SUGCT: variants seen among roughly 807,000 people sequenced by gnomAD.
SUGCT encodes succinyl-CoA:glutarate-CoA transferase, also known as succinyl-CoA:glutarate CoA-transferase.
Under a neutral mutation model 55.0 loss-of-function variants are expected in SUGCT, and 41 were observed. The ratio of observed to expected loss-of-function variants is 0.74; its 90% CI spans 0.58 to 0.97. The LOEUF is 0.97. Among genes scored for constraint, SUGCT ranks in the 50% least tolerant of loss-of-function variants. The pLI, the probability that SUGCT is intolerant of heterozygous loss-of-function variation, is 0.00. For missense variants in SUGCT, 568 were observed against 547.8 expected (o/e 1.04, Z -0.37); for synonymous variants, 187 against 200.4 (o/e 0.93, Z 0.56).
chr7:40,918,839 G>A, the SUGCT span, among the ~76,000 whole-genome samples: 2 of 152,154 alleles, frequency 1.3e-5, no homozygotes, highest in Non-Finnish European at 2.9e-5. Flanking sequence ...AATTCCACAA[G>A]ACAGGGTAAT....
At chr7:40,562,758 G>T (rs1795910489) in intron 12 of SUGCT, among the ~76,000 whole-genome samples, 1 of 152,190 alleles carries the variant, frequency 6.6e-6, no homozygotes, top group South Asian at 2.1e-4. Flanking sequence ...GCTAAGGAAA[G>T]AAGGGTCAGA....
chr7:40,971,844 A>C, the SUGCT span, among the ~76,000 whole-genome samples: 1 of 152,132 alleles, frequency 6.6e-6, no homozygotes, highest in African/African-American at 2.4e-5. Flanking sequence ...GCAGTTCTTT[A>C]CAGTTTGTTT....
At chr7:40,898,336 G>A in the SUGCT span, among the ~76,000 whole-genome samples, 13 of 152,238 alleles carry the variant, frequency 8.5e-5, no homozygotes, top group East Asian at 2.3e-3. Flanking sequence ...AAGACTCACC[G>A]CGAAGGTCTG....
At chr7:40,726,586 A>T (rs1786624063) in intron 12 of SUGCT, among the ~76,000 whole-genome samples, 1 of 152,208 alleles carries the variant, frequency 6.6e-6, no homozygotes, top group Admixed American at 6.5e-5. Flanking sequence ...TAAGACACTT[A>T]ACAGTTTCTT....
chr7:40,624,908 A>G (rs1799452303), intron 12 of SUGCT, among the ~76,000 whole-genome samples: 1 of 152,166 alleles, frequency 6.6e-6, no homozygotes, highest in African/African-American at 2.4e-5. Flanking sequence ...TTCTCTGTAA[A>G]AAACAAACAC....
intron 5 of SUGCT, 62 bp from the exon 6 acceptor site, chr7:40,194,878 A>C: frequency 6.5e-7 from 1 of 1,541,256 alleles, no homozygotes; most frequent in Non-Finnish European, 8.8e-7. Flanking sequence ...TGTAAAGTTA[A>C]AATTCTATCA....
At chr7:41,034,313 G>T in the SUGCT span, among the ~76,000 whole-genome samples, 1 of 152,164 alleles carries the variant, frequency 6.6e-6, no homozygotes, top group African/African-American at 2.4e-5. Context: ...TATCTGTGTG[G>T]TCGAGAGAAT....
intron 12 of SUGCT, among the ~76,000 whole-genome samples, chr7:40,588,221 A>G (rs923327362): frequency 6.6e-6 from 1 of 151,384 alleles, no homozygotes; most frequent in Admixed American, 6.6e-5. Flanking sequence ...TATTTCTAAG[A>G]AAATTCTCTT....
At chr7:40,305,659 T>C (rs896962978) in intron 8 of SUGCT, among the ~76,000 whole-genome samples, 1 of 152,078 alleles carries the variant, frequency 6.6e-6, no homozygotes, top group Non-Finnish European at 1.5e-5. Flanking sequence ...ACTCCAGTTA[T>C]TTTTTTATTT....
At chr7:40,873,339 T>C in the SUGCT span, among the ~76,000 whole-genome samples, 5 of 152,234 alleles carry the variant, frequency 3.3e-5, no homozygotes, top group African/African-American at 7.2e-5. Context: ...GATGACTTTT[T>C]CTTGGCCCTA....
intron 1 of SUGCT, among the ~76,000 whole-genome samples, chr7:40,174,086 G>C (rs1309209349): frequency 6.6e-6 from 1 of 151,892 alleles, no homozygotes; most frequent in African/African-American, 2.4e-5. Flanking sequence ...GCAGTGGCAT[G>C]ATCTTGGCTC....
chr7:40,428,522 CTGTGTGTG>C (rs56017526), intron 9 of SUGCT, among the ~76,000 whole-genome samples: 83,431 of 149,092 alleles, frequency 0.56, 23,264 homozygotes, highest in Admixed American at 0.63. Flanking sequence ...TCTGTCTCTG[CTGTGTGTG>C]TGTGTGTGTG....
At chr7:40,301,835 G>A (rs1794558706) in intron 8 of SUGCT, among the ~76,000 whole-genome samples, 1 of 152,150 alleles carries the variant, frequency 6.6e-6, no homozygotes, top group African/African-American at 2.4e-5. Context: ...CTGGGACTTG[G>A]TTCATGAGCT....
chr7:40,892,643 CCCT>C, the SUGCT span, among the ~76,000 whole-genome samples: 1 of 152,144 alleles, frequency 6.6e-6, no homozygotes, highest in Non-Finnish European at 1.5e-5. Flanking sequence ...AAGCAATCCT[CCCT>C]CCTCAGCCTC....
At chr7:40,689,017 CATTGACT>C (rs1339639417) in intron 12 of SUGCT, among the ~76,000 whole-genome samples, 1 of 152,106 alleles carries the variant, frequency 6.6e-6, no homozygotes, top group African/African-American at 2.4e-5. Flanking sequence ...GTAGGTTTTA[CATTGACT>C]ATTGCTGGTT....
intron 3 of SUGCT, among the ~76,000 whole-genome samples, chr7:40,184,161 G>A (rs1423421420): frequency 6.6e-6 from 1 of 152,148 alleles, no homozygotes; most frequent in African/African-American, 2.4e-5. Flanking sequence ...GGCAACAAGA[G>A]CCACACTCCA....
downstream of SUGCT, among the ~76,000 whole-genome samples, chr7:40,863,245 G>C (rs1794525832): frequency 6.6e-6 from 1 of 151,996 alleles, no homozygotes; most frequent in African/African-American, 2.4e-5. Context: ...AAACAAAGAG[G>C]ATTTTATACA....
At chr7:40,898,680 C>T in the SUGCT span, among the ~76,000 whole-genome samples, 1 of 151,580 alleles carries the variant, frequency 6.6e-6, no homozygotes, top group African/African-American at 2.4e-5. Context: ...GCAGAGATCG[C>T]GCCGCGAGAC....
the SUGCT span, among the ~76,000 whole-genome samples, chr7:40,869,806 T>C: frequency 6.6e-6 from 1 of 152,194 alleles, no homozygotes; most frequent in Non-Finnish European, 1.5e-5. Flanking sequence ...TGTGCAGTTA[T>C]TTTGTAGAAT....
Sources: allele counts gnomAD v4.1 joint callset (sites outside exome capture counted in the v4.1 genomes callset), GRCh38; gene constraint gnomAD v4.1.1; transcripts MANE v1.5; gene names NCBI Gene and HGNC (gene_info 2026-07-23, HGNC 2026-07-21).